MDGA2: variants seen among roughly 807,000 people sequenced by gnomAD.
MDGA2 encodes MAM domain-containing glycosylphosphatidylinositol anchor protein 2.
In MDGA2, 40 loss-of-function variants were observed where a neutral mutation model predicts 117.8. The observed-to-expected ratio is 0.34, with a 90% CI of 0.26 to 0.44. The LOEUF is 0.44. Ranked by LOEUF, MDGA2 falls within the 20% of genes least tolerant of loss-of-function variation. The probability of loss-of-function intolerance (pLI) is 1.00; values close to 1 mark genes in which losing one functional copy is unlikely to be tolerated. For synonymous variants in MDGA2, 452 were observed against 439.0 expected, an observed-to-expected ratio of 1.03 and a Z score of -0.37; for missense variants, 1,123 against 1,250.6, an observed-to-expected ratio of 0.90 and a Z score of 1.54.
At position 47,238,664 on chromosome 14, in the gene MDGA2, C is replaced by T. The variant is rs180998775; in HGVS notation, c.421-20469G>A. Among the ~76,000 whole-genome samples the T allele has an allele frequency of 9.5e-4, 144 of 151,592 alleles. 1 individual carries two copies. Among genetic ancestry groups the T allele is most frequent in the East Asian group, 4.8e-3 (25 of 5,168 alleles). ...AATGTGGAAATGCCATGTTCCCAGA[C>T]GGGCATTTACTCAGAGAATAAGATT... On this transcript the variant is annotated intron_variant, in intron 2 of 16. Transcript: ENST00000399232.
At chr14:47,203,774 C>G (rs916508841) in intron 3 of MDGA2, among the ~76,000 whole-genome samples, 1 of 151,864 alleles carries the variant, frequency 6.6e-6, no homozygotes, top group African/African-American at 2.4e-5. Context: ...TGGGCTTAGA[C>G]CAAGAGTCTT....
At chr14:47,176,547 G>A (rs557201077) in intron 3 of MDGA2, among the ~76,000 whole-genome samples, 1 of 152,196 alleles carries the variant, frequency 6.6e-6, no homozygotes, top group Admixed American at 6.5e-5. Flanking sequence ...ACAAGCAATG[G>A]AGAAAGGATT....
intron 8 of MDGA2, among the ~76,000 whole-genome samples, chr14:46,965,779 AAGTT>A (rs897117604): frequency 5.3e-5 from 8 of 152,338 alleles, no homozygotes; most frequent in Admixed American, 1.3e-4. Context: ...TGTTAAAAAA[AAGTT>A]AGAGCTCACT....
chr14:47,000,540 A>G (rs1238339456), intron 8 of MDGA2, among the ~76,000 whole-genome samples: 1 of 149,942 alleles, frequency 6.7e-6, no homozygotes, highest in Non-Finnish European at 1.5e-5. Flanking sequence ...CATGATATTT[A>G]AATATAAGAG....
At chr14:46,979,655 C>G (rs2096132) in intron 8 of MDGA2, among the ~76,000 whole-genome samples, 9,658 of 152,174 alleles carry the variant, frequency 0.063, 417 homozygotes, top group Middle Eastern at 0.12. Context: ...CACAATATGC[C>G]CTTAACCCAA....
At chr14:47,071,832 G>A (rs7159594) in intron 6 of MDGA2, among the ~76,000 whole-genome samples, 44,302 of 151,882 alleles carry the variant, frequency 0.29, 7,438 homozygotes, top group African/African-American at 0.46. Context: ...CTGCATAAAG[G>A]AGACATGAAA....
intron 8 of MDGA2, among the ~76,000 whole-genome samples, chr14:46,970,951 A>C (rs909891242): frequency 1.3e-5 from 2 of 152,068 alleles, no homozygotes; most frequent in Non-Finnish European, 2.9e-5. Context: ...CAACATCACT[A>C]ATCATTAGGA....
intron 1 of MDGA2, among the ~76,000 whole-genome samples, chr14:47,386,946 G>A (rs1299933196): frequency 2.0e-5 from 3 of 152,162 alleles, no homozygotes; most frequent in African/African-American, 7.2e-5. Flanking sequence ...AGGATAATAT[G>A]AAGGATTTAA....
chr14:47,321,889 A>C (rs1433025362), intron 1 of MDGA2, among the ~76,000 whole-genome samples: 2 of 152,198 alleles, frequency 1.3e-5, no homozygotes, highest in African/African-American at 2.4e-5. Flanking sequence ...TTCTTTAATA[A>C]TTCATTTTTA....
chr14:47,134,466 T>A (rs1054706620), intron 4 of MDGA2, among the ~76,000 whole-genome samples: 3 of 152,008 alleles, frequency 2.0e-5, no homozygotes, highest in African/African-American at 7.2e-5. Context: ...TAGATATTTG[T>A]GCATATTGTA....
At chr14:46,940,991 T>C (rs1252616351) in intron 9 of MDGA2, among the ~76,000 whole-genome samples, 2 of 152,218 alleles carry the variant, frequency 1.3e-5, no homozygotes, top group Admixed American at 6.5e-5. Context: ...TAGATTTAGA[T>C]GTGAATAAAG....
intron 1 of MDGA2, among the ~76,000 whole-genome samples, chr14:47,649,624 A>G (rs368322525): frequency 7.9e-4 from 120 of 152,156 alleles, no homozygotes; most frequent in African/African-American, 2.7e-3. Context: ...GGCAGAGGTT[A>G]TAGTAAACCG....
At chr14:47,176,759 A>T (rs996095474) in intron 3 of MDGA2, among the ~76,000 whole-genome samples, 12 of 152,216 alleles carry the variant, frequency 7.9e-5, no homozygotes, top group African/African-American at 2.7e-4. Context: ...TTCATGTCTA[A>T]AACACCAAAA....
chr14:47,646,360 C>A (rs1044426125), intron 1 of MDGA2, among the ~76,000 whole-genome samples: 2 of 151,786 alleles, frequency 1.3e-5, no homozygotes, highest in Non-Finnish European at 2.9e-5. Flanking sequence ...ATATATAATA[C>A]TCATATATAA....
chr14:47,067,581 AAG>A (rs1487964965), intron 6 of MDGA2, among the ~76,000 whole-genome samples: 9 of 150,656 alleles, frequency 6.0e-5, no homozygotes, highest in Non-Finnish European at 1.3e-4. Flanking sequence ...CACCTACACT[AAG>A]AGCCGCGTGC....
chr14:47,120,233 T>G (rs1881579240), intron 5 of MDGA2, among the ~76,000 whole-genome samples: 1 of 152,150 alleles, frequency 6.6e-6, no homozygotes, highest in Admixed American at 6.5e-5. Context: ...ATCCAATACC[T>G]TGTCTCTTGA....
intron 3 of MDGA2, among the ~76,000 whole-genome samples, chr14:47,187,329 T>G (rs1318399437): frequency 1.3e-5 from 2 of 151,874 alleles, no homozygotes; most frequent in African/African-American, 4.8e-5. Context: ...TTTATAAGAG[T>G]TTTCAGAAAT....
intron 6 of MDGA2, among the ~76,000 whole-genome samples, chr14:47,090,419 A>G (rs1272309008): frequency 3.3e-5 from 5 of 152,200 alleles, no homozygotes; most frequent in Non-Finnish European, 7.3e-5. Context: ...AAAATTAATA[A>G]AGAGCACATT....
chr14:47,658,711 G>A (rs1897790166), intron 1 of MDGA2, among the ~76,000 whole-genome samples: 1 of 152,178 alleles, frequency 6.6e-6, no homozygotes, highest in African/African-American at 2.4e-5. Flanking sequence ...CCTGATGATT[G>A]CTCACAACTG....
Sources: gnomAD v4.1 joint callset for allele counts (sites outside exome capture counted in the v4.1 genomes callset) on GRCh38, gnomAD v4.1.1 for gene constraint, MANE v1.5 for transcripts, NCBI Gene and HGNC (gene_info 2026-07-23, HGNC 2026-07-21) for gene names.